The following GTF2I variants were observed in gnomAD, a reference collection of about 807,000 sequenced individuals.
GTF2I encodes general transcription factor II-I.
A neutral mutation model predicts 67.6 loss-of-function variants in GTF2I; 12 were observed. The observed-to-expected ratio is 0.18, with a 90% CI of 0.11 to 0.29. The LOEUF is 0.29. GTF2I is among the 10% of genes least tolerant of loss of function. The pLI is 1.00. For missense variants in GTF2I, 271 were observed against 580.1 expected (o/e 0.47, Z 5.47); for synonymous variants, 149 against 197.0 (o/e 0.76, Z 2.04).
chr7:74,693,446 A>C (rs920412673), intron 3 of GTF2I, among the ~76,000 whole-genome samples: 2 of 151,752 alleles, frequency 1.3e-5, no homozygotes, highest in African/African-American at 4.8e-5. Flanking sequence ...GCACACATAT[A>C]ATATGGCAAA....
At chr7:74,691,959 T>G (rs1356428725) in intron 3 of GTF2I, among the ~76,000 whole-genome samples, 1 of 151,444 alleles carries the variant, frequency 6.6e-6, no homozygotes, top group Non-Finnish European at 1.5e-5. Flanking sequence ...GTAATTTTAG[T>G]AAAGACAGGG....
chr7:74,680,165 C>A (rs941860553), intron 1 of GTF2I, among the ~76,000 whole-genome samples: 1 of 138,130 alleles, frequency 7.2e-6, no homozygotes, highest in African/African-American at 2.7e-5. Flanking sequence ...TATATACACA[C>A]ATATATATAA....
chr7:74,683,893 T>TG (rs1328713838), intron 1 of GTF2I, among the ~76,000 whole-genome samples: 1 of 152,070 alleles, frequency 6.6e-6, no homozygotes, highest in Non-Finnish European at 1.5e-5. Flanking sequence ...CGTACCTAGT[T>TG]GCATTCCTTA....
chr7:74,659,804 A>C lies in GTF2I; in HGVS notation c.-6+1736A>C, dbSNP rs587731031. Among the ~76,000 whole-genome samples the C allele has an allele frequency of 3.3e-5, 5 of 152,148 alleles. No homozygotes were observed. The South Asian group carries it at 1.0e-3, about 32-fold the overall frequency. ...GTGATCCTCCCGTTTAGGCCTCCCAAAGTGGTGGGAGTACAGGCTTGAGCC... is the reference window on the plus strand; with the variant it reads ...GTGATCCTCCCGTTTAGGCCTCCCACAGTGGTGGGAGTACAGGCTTGAGCC... On this transcript the variant is annotated intron_variant, in intron 1 of 34. Transcript: ENST00000573035.
intron 8 of GTF2I, among the ~76,000 whole-genome samples, chr7:74,710,262 G>A (rs1471729182): frequency 2.0e-5 from 3 of 152,154 alleles, no homozygotes; most frequent in African/African-American, 7.2e-5. Flanking sequence ...TTGTGTTAGG[G>A]TTGGTATGAC....
chr7:74,683,960 G>T (rs112942990), intron 1 of GTF2I, among the ~76,000 whole-genome samples: 38 of 151,378 alleles, frequency 2.5e-4, no homozygotes, highest in Non-Finnish European at 4.4e-4. Flanking sequence ...TTTCTTCCAC[G>T]GCCTCTTTTA....
At chr7:74,665,542 C>T (rs1554388218) in intron 1 of GTF2I, among the ~76,000 whole-genome samples, 5 of 152,270 alleles carry the variant, frequency 3.3e-5, no homozygotes, top group African/African-American at 9.6e-5. Context: ...TGAGCCACCA[C>T]GCCTGGCCCC....
At chr7:74,667,319 G>A (rs781859660) in intron 1 of GTF2I, among the ~76,000 whole-genome samples, 22 of 152,058 alleles carry the variant, frequency 1.4e-4, no homozygotes, top group Non-Finnish European at 3.1e-4. Flanking sequence ...CTCCAGCCTA[G>A]GCGACAGAGC....
chr7:74,682,787 C>G (rs1443346458), intron 1 of GTF2I, among the ~76,000 whole-genome samples: 1 of 152,108 alleles, frequency 6.6e-6, no homozygotes, highest in Non-Finnish European at 1.5e-5. Context: ...ATAACTGCCC[C>G]ATTACCAAAG....
chr7:74,698,812 G>C (rs1358799680), intron 3 of GTF2I, 149 bp from the exon 4 acceptor site: 2 of 356,146 alleles, frequency 5.6e-6, no homozygotes, highest in East Asian at 8.5e-5. Flanking sequence ...GAATGGTTAA[G>C]AAATAGTTTT....
At chr7:74,665,351 G>A (rs1804882819) in intron 1 of GTF2I, among the ~76,000 whole-genome samples, 2 of 151,782 alleles carry the variant, frequency 1.3e-5, no homozygotes, top group Admixed American at 6.6e-5. Flanking sequence ...TCTCGGGTTC[G>A]AGTGATTCTT....
At chr7:74,684,653 A>T (rs1257398933) in intron 1 of GTF2I, 4 of 152,294 alleles carry the variant, frequency 2.6e-5, no homozygotes, top group Non-Finnish European at 5.9e-5. Context: ...ACCCGGATGC[A>T]CCCATTTCCA....
At chr7:74,699,298 G>GTT (rs782542877) in intron 4 of GTF2I, among the ~76,000 whole-genome samples, 12 of 144,434 alleles carry the variant, frequency 8.3e-5, no homozygotes, top group African/African-American at 2.5e-4. Context: ...CTTTCTTTCT[G>GTT]TTTTTTTTTT....
At chr7:74,688,347 G>T (rs1554395998) in intron 1 of GTF2I, among the ~76,000 whole-genome samples, 1 of 152,156 alleles carries the variant, frequency 6.6e-6, no homozygotes, top group Non-Finnish European at 1.5e-5. Context: ...CCAAAGAGCT[G>T]GGATTAGAGA....
intron 19 of GTF2I, among the ~76,000 whole-genome samples, chr7:74,739,111 G>A (rs1419050892): frequency 6.5e-5 from 1 of 15,468 alleles, no homozygotes; most frequent in African/African-American, 1.7e-4. Flanking sequence ...GCTCACTGGG[G>A]CCTCCGCCTC....
At chr7:74,715,539 T>C (rs1792151823) in intron 10 of GTF2I, among the ~76,000 whole-genome samples, 1 of 152,098 alleles carries the variant, frequency 6.6e-6, no homozygotes, top group African/African-American at 2.4e-5. Context: ...TTTGCTGAAA[T>C]TTTACTTTTT....
chr7:74,700,565 C>A (rs782418739), intron 5 of GTF2I, 41 bp from the exon 6 acceptor site: 4 of 1,609,270 alleles, frequency 2.5e-6, no homozygotes, highest in East Asian at 2.2e-5. Context: ...AATAATTTTG[C>A]GTATTCATAC....
chr7:74,675,558 G>A (rs1010187328), intron 1 of GTF2I, among the ~76,000 whole-genome samples: 1 of 150,568 alleles, frequency 6.6e-6, no homozygotes, highest in Non-Finnish European at 1.5e-5. Flanking sequence ...TGTTTTTTTT[G>A]GGGGGGGCAG....
chr7:74,673,516 GAATTACAGGCA>G (rs1449937168), intron 1 of GTF2I, among the ~76,000 whole-genome samples: 3 of 151,846 alleles, frequency 2.0e-5, no homozygotes, highest in African/African-American at 7.3e-5. Context: ...CGAGTAGCTG[GAATTACAGGCA>G]TGCGCAGCCA....
Sources: allele counts gnomAD v4.1 joint callset (sites outside exome capture counted in the v4.1 genomes callset), GRCh38; gene constraint gnomAD v4.1.1; transcripts MANE v1.5; gene names NCBI Gene and HGNC (gene_info 2026-07-23, HGNC 2026-07-21).